Variants in PPP1R16B observed in about 807,000 individuals in gnomAD.
The protein encoded by PPP1R16B is protein phosphatase 1 regulatory inhibitor subunit 16B.
PPP1R16B carries 14 observed loss-of-function variants against 61.7 expected under a neutral mutation model. The observed-to-expected ratio is 0.23, with a 90% CI of 0.15 to 0.35. The LOEUF (loss-of-function observed/expected upper bound fraction) is 0.35. Among genes scored for constraint, PPP1R16B ranks in the 10% least tolerant of loss-of-function variants. The pLI is 1.00. For missense variants in PPP1R16B, 547 were observed against 752.5 expected (o/e 0.73, Z 3.19); for synonymous variants, 266 against 305.3 (o/e 0.87, Z 1.34).
In PPP1R16B at chr20:38,919,912, T is replaced by C. The variant is rs927125957; in HGVS notation, c.*1246T>C. On this transcript the variant is annotated 3_prime_UTR_variant, in exon 11 of 11. Transcript: ENST00000299824. ...GTGCTCGGGATCCCGGGCCCAGCTT[T>C]TGCCTTTTTGGGGATGCTTGGTGAG... 1 of 152,356 alleles carries C rather than the reference T, an allele frequency of 6.6e-6. No individual in the cohort carries two copies. The highest frequency in any genetic ancestry group is 6.5e-5 in the Admixed American group (1 of 15,282). 9.4% of individuals were successfully genotyped at this position (152,356 alleles called of 1,614,324 possible).
intron 4 of PPP1R16B, among the ~76,000 whole-genome samples, chr20:38,896,255 T>C: frequency 7.8e-6 from 1 of 128,104 alleles, no homozygotes; most frequent in Admixed American, 8.7e-5. Context: ...CCTCTCTCCC[T>C]CCCTTCCTTT....
chr20:38,829,659 G>C (rs2084824901), intron 1 of PPP1R16B, among the ~76,000 whole-genome samples: 1 of 152,236 alleles, frequency 6.6e-6, no homozygotes, highest in Non-Finnish European at 1.5e-5. Context: ...GGTCTTACAA[G>C]GAGGACAGTC....
At chr20:38,912,513 A>AC (rs1020865285) in intron 10 of PPP1R16B, among the ~76,000 whole-genome samples, 2 of 151,502 alleles carry the variant, frequency 1.3e-5, no homozygotes, top group African/African-American at 4.9e-5. Context: ...CAAAAAAAAA[A>AC]AAAAAAAAAA....
rs898479446 is a variant in PPP1R16B at position 38,831,977 on chromosome 20, G to A, written c.-101-3848G>A. 3.3e-5 allele frequency among the ~76,000 whole-genome samples: 5 copies of A among 152,300 alleles called. No homozygotes were observed. In the East Asian group the frequency reaches 5.8e-4, roughly 18 times the overall value. On this transcript the variant is annotated intron_variant, in intron 1 of 10. Coordinates refer to ENST00000299824, the MANE Select transcript of PPP1R16B (RefSeq NM_015568.4). ...GGTTTCCAGAGTTCCCTCCATTGTG[G>A]TCAGCCACTCTGTACACCTTTGAGC... is the stretch of plus-strand genomic sequence containing the variant.
chr20:38,898,035 A>G (rs1026053126), intron 4 of PPP1R16B, among the ~76,000 whole-genome samples: 8 of 152,194 alleles, frequency 5.3e-5, no homozygotes, highest in African/African-American at 1.9e-4. Flanking sequence ...CTCCCATTCT[A>G]TAGGATGTCT....
chr20:38,887,720 G>A (rs997147509), intron 2 of PPP1R16B, among the ~76,000 whole-genome samples: 3 of 152,234 alleles, frequency 2.0e-5, no homozygotes, highest in Non-Finnish European at 2.9e-5. Context: ...TCAGGACAGC[G>A]CCAAAGGATC....
intron 1 of PPP1R16B, among the ~76,000 whole-genome samples, chr20:38,829,025 C>A (rs2084820749): frequency 6.6e-6 from 1 of 152,168 alleles, no homozygotes; most frequent in Non-Finnish European, 1.5e-5. Context: ...ACTTTCTTGC[C>A]TTTCCCTTAA....
chr20:38,918,643 C>T lies in PPP1R16B; in HGVS notation c.1681C>T (p.His561Tyr). The change falls in exon 11 of 11, where the codon CAT becomes TAT. Residue 561 changes from histidine to tyrosine, a missense_variant. Physicochemically the swap from His to Tyr is moderately conservative, Grantham distance 83. Transcript: ENST00000299824. The surrounding 1 kb of genome is among the most constrained non-coding windows in gnomAD (Gnocchi z 5.3). ...APIEEMEEKV[H>Y]GCCRIS The stretch of plus-strand genomic sequence containing the variant: ...CATAGAGGAGATGGAGGAGAAGGTG[C>T]ATGGCTGTTGCCGTATCTCCTAGTC... The T allele has an allele frequency of 6.6e-7, 1 of 1,514,664 alleles. No homozygotes were observed. Among genetic ancestry groups the T allele is most frequent in the South Asian group, 1.3e-5 (1 of 74,912 alleles). The allele number at this position is 1,514,664 out of a possible 1,614,324, so 93.8% of individuals were successfully genotyped here. A position where few individuals can be genotyped will look rare whatever the true frequency, so the allele number is the denominator to read the frequency against.
chr20:38,836,292 A>G (rs2084871898), intron 2 of PPP1R16B, 117 bp downstream of exon 2: 2 of 1,400,728 alleles, frequency 1.4e-6, no homozygotes, highest in Non-Finnish European at 9.5e-7. Flanking sequence ...CCCACTTCCA[A>G]GTTCCAGCAG....
At chr20:38,896,259 T>C (rs1381901446) in intron 4 of PPP1R16B, among the ~76,000 whole-genome samples, 7 of 133,336 alleles carry the variant, frequency 5.2e-5, no homozygotes, top group African/African-American at 2.0e-4. Flanking sequence ...TCTCCCTCCC[T>C]TCCTTTCTTC....
At chr20:38,871,299 G>T (rs949328144) in intron 2 of PPP1R16B, among the ~76,000 whole-genome samples, 2 of 152,076 alleles carry the variant, frequency 1.3e-5, no homozygotes, top group Non-Finnish European at 2.9e-5. Flanking sequence ...TTGGAATTTG[G>T]CTCCTTTTGA....
At chr20:38,866,601 C>A (rs1307322636) in intron 2 of PPP1R16B, among the ~76,000 whole-genome samples, 2 of 152,098 alleles carry the variant, frequency 1.3e-5, no homozygotes, top group African/African-American at 4.8e-5. Flanking sequence ...CATCTTTTTC[C>A]CATGGAGGGG....
intron 2 of PPP1R16B, among the ~76,000 whole-genome samples, chr20:38,869,046 G>A (rs529623037): frequency 3.5e-4 from 53 of 152,032 alleles, no homozygotes; most frequent in African/African-American, 1.2e-3. Context: ...AATCCCCTAC[G>A]CTCTTCCAGG....
intron 2 of PPP1R16B, among the ~76,000 whole-genome samples, chr20:38,883,276 C>G (rs889419587): frequency 6.6e-6 from 1 of 152,220 alleles, no homozygotes; most frequent in East Asian, 1.9e-4. Context: ...CGCCTATGGT[C>G]GCATGTTGCT....
chr20:38,892,793 T>C (rs1215521422), intron 3 of PPP1R16B, among the ~76,000 whole-genome samples: 1 of 152,074 alleles, frequency 6.6e-6, no homozygotes, highest in Admixed American at 6.5e-5. Context: ...GAAGGATGAG[T>C]AGGAGCTTGC....
intron 10 of PPP1R16B, among the ~76,000 whole-genome samples, chr20:38,917,451 G>A (rs2085551595): frequency 6.6e-6 from 1 of 152,046 alleles, no homozygotes; most frequent in Non-Finnish European, 1.5e-5. Flanking sequence ...TTTAAATGTT[G>A]TTGCATGTAT....
intron 2 of PPP1R16B, among the ~76,000 whole-genome samples, chr20:38,886,930 T>A (rs781410098): frequency 6.6e-6 from 1 of 152,262 alleles, no homozygotes; most frequent in Admixed American, 6.5e-5. Flanking sequence ...TCAAAGCCCA[T>A]AATTAGTTAT....
At chr20:38,913,407 C>T (rs1338641243) in intron 10 of PPP1R16B, among the ~76,000 whole-genome samples, 5 of 152,050 alleles carry the variant, frequency 3.3e-5, no homozygotes, top group East Asian at 3.9e-4. Context: ...GAACTACAGG[C>T]GCACGCCACC....
rs564782927 is a variant in PPP1R16B at position 38,806,625 on chromosome 20, T to C, written c.-102+833T>C. Among the ~76,000 whole-genome samples the C allele has an allele frequency of 6.8e-4, 104 of 152,242 alleles. 1 individual carries two copies. The highest frequency in any genetic ancestry group is 6.5e-3 in the Admixed American group (100 of 15,304). On this transcript the variant is annotated intron_variant, in intron 1 of 10. Coordinates refer to ENST00000299824, the MANE Select transcript of PPP1R16B (RefSeq NM_015568.4). This position sits in a 1 kb window ranked among gnomAD's most constrained non-coding sequence, Gnocchi z 4.5. ...CCAAGGTCACCCGGAGTGCCCAGGC[T>C]GAGCTGCCCAGACCGCCCCGGGTGG...
Sources: gnomAD v4.1 joint callset for allele counts (sites outside exome capture counted in the v4.1 genomes callset) on GRCh38, gnomAD v4.1.1 for gene constraint, Gnocchi (gnomAD v3.1) non-coding constraint, MANE v1.5 for transcripts, NCBI Gene and HGNC (gene_info 2026-07-23, HGNC 2026-07-21) for gene names.